Variants in PLBD1 observed in about 807,000 individuals in gnomAD.
PLBD1 encodes the protein lysosomal leucine aminopeptidase.
Under a neutral mutation model 63.0 loss-of-function variants are expected in PLBD1, and 60 were observed. That is an observed-to-expected ratio of 0.95 (90% CI 0.77 to 1.18). The LOEUF (loss-of-function observed/expected upper bound fraction) is 1.18, where lower values mean the gene tolerates loss of function less well. Ranked by LOEUF, PLBD1 falls within the 50% of genes most tolerant of loss-of-function variation. The pLI is 0.00. For missense variants in PLBD1, 598 were observed against 677.9 expected, an observed-to-expected ratio of 0.88 and a Z score of 1.31; for synonymous variants, 262 against 248.0, an observed-to-expected ratio of 1.06 and a Z score of -0.53.
At chr12:14,519,842 A>G (rs1212083846) in intron 6 of PLBD1, among the ~76,000 whole-genome samples, 2 of 152,186 alleles carry the variant, frequency 1.3e-5, no homozygotes, top group Non-Finnish European at 2.9e-5. Flanking sequence ...GCAAACTAAT[A>G]TATAGCCCAT....
At chr12:14,531,926 T>A (rs114671266) in intron 6 of PLBD1, among the ~76,000 whole-genome samples, 27 of 152,314 alleles carry the variant, frequency 1.8e-4, no homozygotes, top group African/African-American at 6.0e-4. Flanking sequence ...CTGCTTAGCC[T>A]GTTTAAATGT....
At chr12:14,558,834 A>T (rs1442590981) in intron 1 of PLBD1, among the ~76,000 whole-genome samples, 1 of 152,200 alleles carries the variant, frequency 6.6e-6, no homozygotes, top group Non-Finnish European at 1.5e-5. Context: ...ACTTCTGCAA[A>T]TATGTGCTTT....
At chr12:14,553,521 C>A in intron 1 of PLBD1, 109 bp from the exon 2 acceptor site, 2 of 892,858 alleles carry the variant, frequency 2.2e-6, no homozygotes, top group East Asian at 2.5e-5. Flanking sequence ...GATTTCCATT[C>A]TATTAGAATT....
chr12:14,566,361 G>A (rs977418407), intron 1 of PLBD1, among the ~76,000 whole-genome samples: 5 of 152,142 alleles, frequency 3.3e-5, no homozygotes, highest in African/African-American at 9.7e-5. Flanking sequence ...GATGATGGAA[G>A]GTAGTGTAAT....
Position 14,567,805 on chromosome 12 carries a change from AGGTGGG to A in PLBD1, c.-115_-110del. 7.6e-7 allele frequency: 1 copy of A among 1,317,274 alleles called. No individual in the cohort carries two copies. Among genetic ancestry groups the A allele is most frequent in the Non-Finnish European group, 9.7e-7 (1 of 1,029,274 alleles). The allele number at this position is 1,317,274 out of a possible 1,614,324, so 81.6% of individuals were successfully genotyped here. A position where few individuals can be genotyped will look rare whatever the true frequency, so the allele number is the denominator to read the frequency against. ...CCTACTCAGGGGCGCCGCCTCTCCG[AGGTGGG>A]GCGTCCTCAACTTTCCTCTTTCTTG... On this transcript the variant is annotated 5_prime_UTR_variant, in exon 1 of 11. Coordinates refer to ENST00000240617, the MANE Select transcript of PLBD1 (RefSeq NM_024829.6).
chr12:14,518,264 CAT>C (rs1488125721), intron 6 of PLBD1, among the ~76,000 whole-genome samples: 8 of 152,160 alleles, frequency 5.3e-5, no homozygotes, highest in Non-Finnish European at 1.2e-4. Flanking sequence ...GGGCTAAACA[CAT>C]ATTCAGGTTT....
intron 2 of PLBD1, among the ~76,000 whole-genome samples, chr12:14,544,958 C>A (rs981523143): frequency 1.3e-5 from 2 of 150,412 alleles, no homozygotes; most frequent in African/African-American, 4.8e-5. Context: ...CTTTCAATTT[C>A]TTTGTGGATT....
Position 14,553,352 on chromosome 12 carries a change from A to C in PLBD1, c.176T>G (p.Val59Gly), listed in dbSNP as rs745669218. ...ATAGGCGTCCCCATTCTTGTCCATT[A>C]CATTTTTGACTTGTACTGTCTTTTC... ...PAEKTVQVKN[V>G]MDKNGDAYGF... The change falls in exon 2 of 11, where the codon GTA becomes GGA. Residue 59 changes from valine (V) to glycine (G), a missense_variant. Val to Gly is a moderately radical substitution (Grantham distance 109). Transcript: ENST00000240617. 4.3e-6 allele frequency: 7 copies of C among 1,614,048 alleles called. No homozygotes were observed. The Admixed American group carries it at 1.2e-4, about 27-fold the overall frequency.
intron 6 of PLBD1, among the ~76,000 whole-genome samples, chr12:14,513,089 T>C (rs1335263612): frequency 6.6e-6 from 1 of 152,236 alleles, no homozygotes; most frequent in Non-Finnish European, 1.5e-5. Context: ...CTGAGTACTA[T>C]CTGAACTATC....
intron 6 of PLBD1, 114 bp downstream of exon 6, chr12:14,535,545 A>T: frequency 8.8e-7 from 1 of 1,133,568 alleles, no homozygotes; most frequent in Non-Finnish European, 1.3e-6. Flanking sequence ...ATTGTTTGTT[A>T]ATATATACTA....
chr12:14,530,503 AT>A (rs1412410204), intron 6 of PLBD1, among the ~76,000 whole-genome samples: 9 of 152,260 alleles, frequency 5.9e-5, no homozygotes, highest in Non-Finnish European at 8.8e-5. Context: ...TGAAAAAAGA[AT>A]AAAAAACATT....
chr12:14,508,133 T>C (rs1021319384), intron 8 of PLBD1, among the ~76,000 whole-genome samples: 2 of 152,178 alleles, frequency 1.3e-5, no homozygotes, highest in African/African-American at 2.4e-5. Flanking sequence ...GACATTGAAA[T>C]TAAAGAAGAA....
At chr12:14,540,737 TTC>T (rs762766314) in intron 4 of PLBD1, 25 bp downstream of exon 4, 1 of 1,540,426 alleles carries the variant, frequency 6.5e-7, no homozygotes, top group Non-Finnish European at 8.8e-7. Context: ...ACTCTATAAA[TTC>T]TGAGAAGCTT....
intron 6 of PLBD1, among the ~76,000 whole-genome samples, chr12:14,527,596 T>C (rs554629088): frequency 6.6e-6 from 1 of 152,270 alleles, no homozygotes; most frequent in Non-Finnish European, 1.5e-5. Context: ...ACATAAGATT[T>C]CAAATTGAAA....
chr12:14,536,570 C>T lies in PLBD1; in HGVS notation c.699G>A (p.Lys233=), dbSNP rs1945516879. The T allele has an allele frequency of 1.9e-6, 3 of 1,613,876 alleles. No homozygotes were observed. Among genetic ancestry groups the T allele is most frequent in the South Asian group, 2.2e-5 (2 of 91,064 alleles). ...GGCAAAAGGAGCTGCTATGTCTTAC[C>T]TTGATAAGAGCGGAGCAATGTCCCA... ...WDMGHCSALI[K]VLPGFENILF... Residue 233 remains lysine (K), a splice_region_variant and synonymous_variant, in exon 5 of 11, where the codon AAG becomes AAA. Transcript: ENST00000240617.
In PLBD1 at chr12:14,535,643, CTTTAAATTCA is replaced by C; in HGVS notation, c.844+6_844+15del. 2 of 1,613,450 alleles carry C rather than the reference CTTTAAATTCA, an allele frequency of 1.2e-6. No homozygotes were observed. The highest frequency in any genetic ancestry group is 1.7e-6 in the Non-Finnish European group (2 of 1,179,582). ...TAGTACTCAAAGTGCTCAGATGTTC[CTTTAAATTCA>C]TTTACCTGGGTAACTGCTGAAAGAG... On this transcript the variant is annotated splice_donor_region_variant and intron_variant, in intron 6 of 10. Transcript: ENST00000240617.
intron 6 of PLBD1, among the ~76,000 whole-genome samples, chr12:14,532,313 C>A (rs574264772): frequency 6.6e-6 from 1 of 152,282 alleles, no homozygotes; most frequent in Admixed American, 6.5e-5. Flanking sequence ...CCAGGCCTAG[C>A]CCGCCCCAAG....
chr12:14,540,011 C>T (rs1345190638), intron 4 of PLBD1, among the ~76,000 whole-genome samples: 6 of 3,154 alleles, frequency 1.9e-3, no homozygotes, highest in Admixed American at 0.02. Flanking sequence ...AAAAGCTATG[C>T]ACATATATAT....
chr12:14,550,946 G>C (rs989752757), intron 2 of PLBD1, among the ~76,000 whole-genome samples: 2 of 152,152 alleles, frequency 1.3e-5, no homozygotes, highest in Non-Finnish European at 2.9e-5. Context: ...TGGAGGCTAA[G>C]GTGGGAAGAT....
Sources: gnomAD v4.1 joint callset for allele counts (sites outside exome capture counted in the v4.1 genomes callset) on GRCh38, gnomAD v4.1.1 for gene constraint, MANE v1.5 for transcripts, NCBI Gene and HGNC (gene_info 2026-07-23, HGNC 2026-07-21) for gene names.